COL7A1: variants seen among roughly 807,000 people sequenced by gnomAD.
The protein encoded by COL7A1 is collagen alpha-1(VII) chain.
A neutral mutation model predicts 456.2 loss-of-function variants in COL7A1; 296 were observed. That is an observed-to-expected ratio of 0.65 (90% CI 0.59 to 0.71). The LOEUF is 0.71. Among genes scored for constraint, COL7A1 ranks in the 30% least tolerant of loss-of-function variants. The pLI, the probability that COL7A1 is intolerant of heterozygous loss-of-function variation, is 0.00. For missense variants in COL7A1, 3,441 were observed against 4,017.2 expected (o/e 0.86, Z 3.88); for synonymous variants, 1,464 against 1,525.9 (o/e 0.96, Z 0.95).
At position 48,592,851 on chromosome 3, in the gene COL7A1, C is replaced by A. The variant is rs1208449490; in HGVS notation, c.770G>T (p.Gly257Val). Residue 257 changes from glycine (G) to valine (V), a missense_variant, in exon 7 of 119, where the codon GGC becomes GTC. By Grantham distance (109) the Gly-to-Val change is moderately radical. Coordinates refer to ENST00000681320, the MANE Select transcript of COL7A1 (RefSeq NM_000094.4). This position sits in a 1 kb window ranked among gnomAD's most constrained non-coding sequence, Gnocchi z 7.6. ...SLRVQWTAAS[G>V]PVTGYKVQYT... ...CTGGACCTTGTAGCCAGTCACAGGG[C>A]CACTGGCCGCTGTCCACTGTACTCT... 6.2e-7 allele frequency: 1 copy of A among 1,613,836 alleles called. No individual in the cohort carries two copies. Among genetic ancestry groups the A allele is most frequent in the Non-Finnish European group, 8.5e-7 (1 of 1,180,040 alleles).
Position 48,570,268 on chromosome 3 carries a change from T to TA in COL7A1, c.7440+6dup. 6.2e-7 allele frequency: 1 copy of TA among 1,613,988 alleles called. No homozygotes were observed. ...GGGAGTTCGGCTGTGGAGTAAGACA[T>TA]ACGTACCCGGATGCCTGGCTCCCCA... On this transcript the variant is annotated splice_region_variant and intron_variant, in intron 98 of 118. Coordinates refer to ENST00000681320, the MANE Select transcript of COL7A1 (RefSeq NM_000094.4). This position sits in a 1 kb window ranked among gnomAD's most constrained non-coding sequence, Gnocchi z 5.5.
Position 48,571,590 on chromosome 3 carries a change from G to A in COL7A1, c.7069-312C>T. 1.5e-6 allele frequency: 1 copy of A among 668,096 alleles called. No individual in the cohort carries two copies. Among genetic ancestry groups the A allele is most frequent in the Non-Finnish European group, 2.8e-6 (1 of 353,554 alleles). The allele number at this position is 668,096 out of a possible 1,614,324, so 41.4% of individuals were successfully genotyped here. On this transcript the variant is annotated intron_variant, in intron 92 of 118. Transcript: ENST00000681320. The surrounding 1 kb of genome is among the most constrained non-coding windows in gnomAD (Gnocchi z 4.6). ...GAGTGCGGACACACGGGCGCTCAGA[G>A]GGGAACCCCAACACGTCCACTCCCG...
Position 48,586,114 on chromosome 3 carries a change from C to T in COL7A1, c.3683G>A (p.Gly1228Asp), listed in dbSNP as rs754496023. The T allele has an allele frequency of 5.0e-6, 8 of 1,613,444 alleles. No individual in the cohort carries two copies. The South Asian group carries it at 5.5e-5, about 11-fold the overall frequency. Reference sequence around the variant, plus strand: ...TGCCTGACACAGGGCTGTGGCCAGACCACTGACTGCCTGGTCCAGGCTTGG... The same window carrying T: ...TGCCTGACACAGGGCTGTGGCCAGATCACTGACTGCCTGGTCCAGGCTTGG... ...DGPSLDQAVSGLATALCQASF... is the reference protein window; with the variant it reads ...DGPSLDQAVSDLATALCQASF... Residue 1228 changes from glycine (G) to aspartate (D), a missense_variant, in exon 28 of 119, where the codon GGT (glycine) becomes GAT (aspartate). Around this residue, in one of 3 missense-constraint regions of COL7A1, gnomAD observed 2,084 missense variants for 2,501.3 expected, o/e 0.83. Transcript: ENST00000681320. The surrounding 1 kb of genome is among the most constrained non-coding windows in gnomAD (Gnocchi z 5.1).
intron 34 of COL7A1, 51 bp downstream of exon 34, chr3:48,584,859 G>A (rs1259073607): frequency 4.3e-6 from 7 of 1,613,944 alleles, no homozygotes; most frequent in Non-Finnish European, 5.1e-6. Context: ...CCCACCCTGT[G>A]GAAGAACCCT....
Position 48,566,724 on chromosome 3 carries a change from G to T in COL7A1, c.8240C>A (p.Pro2747His). 2 of 1,613,672 alleles carry T rather than the reference G, an allele frequency of 1.2e-6. No homozygotes were observed. Among genetic ancestry groups the T allele is most frequent in the Non-Finnish European group, 8.5e-7 (1 of 1,179,920 alleles). ...AGCCCCCACCACTCTCTCTCCGGGG[G>T]GACCTCGCTCACCCTGTCAGACACA... ...GLQGQKGERG[P>H]PGERVVGAPG... Residue 2747 changes from proline (P) to histidine (H), a missense_variant, in exon 112 of 119, where the codon CCC (proline) becomes CAC (histidine). By Grantham distance (77) the Pro-to-His change is moderately conservative (BLOSUM62 -2). Around this residue, in one of 3 missense-constraint regions of COL7A1, gnomAD observed 2,084 missense variants for 2,501.3 expected, o/e 0.83. Transcript: ENST00000681320. The surrounding 1 kb of genome is among the most constrained non-coding windows in gnomAD (Gnocchi z 5.9).
At chr3:48,584,130 G>A (rs1044500345) in intron 37 of COL7A1, 69 bp from the exon 38 acceptor site, 2 of 1,612,270 alleles carry the variant, frequency 1.2e-6, no homozygotes, top group South Asian at 2.2e-5. Context: ...GGAGTGATGA[G>A]GGTCATGGGG....
At position 48,590,793 on chromosome 3, in the gene COL7A1, G is replaced by A; in HGVS notation, c.1660C>T (p.Pro554Ser). Residue 554 changes from proline to serine, a missense_variant, in exon 14 of 119, where the codon CCT becomes TCT. Physicochemically the swap from Pro to Ser is moderately conservative, Grantham distance 74 (BLOSUM62 -1). Around this residue, in one of 3 missense-constraint regions of COL7A1, gnomAD observed 913 missense variants for 1,088.2 expected, o/e 0.84. Transcript: ENST00000681320. The surrounding 1 kb of genome is among the most constrained non-coding windows in gnomAD (Gnocchi z 4.6). ...AAGTCGAATGCTGTCTGACTCCCAG[G>A]AAGCACCAGGGTCCGCTCAACCCCT... ...TQGVERTLVL[P>S]GSQTAFDLDD... 1 of 1,613,724 alleles carries A rather than the reference G, an allele frequency of 6.2e-7. No homozygotes were observed. The highest frequency in any genetic ancestry group is 8.5e-7 in the Non-Finnish European group (1 of 1,180,020).
rs1342522878 is a variant in COL7A1, at chr3:48,570,899, G to A, written c.7234C>T (p.Arg2412Ter). ...VVGFPGQTGPRGEMGQPGPSG... is the reference protein window; with the variant it reads ...VVGFPGQTGP The stretch of plus-strand genomic sequence containing the variant: ...GGGCCTGGCTGACCCATCTCTCCTC[G>A]AGGGCCTGTCTGACCCGGGAACCCA... The change falls in exon 95 of 119, where the codon CGA (arginine) becomes TGA (stop). Residue 2412 changes from arginine (R) to a stop codon, truncating the protein, a stop_gained. Transcript: ENST00000681320. LOFTEE classifies it high-confidence loss of function. This position sits in a 1 kb window ranked among gnomAD's most constrained non-coding sequence, Gnocchi z 5.5. 4 of 1,613,304 alleles carry A rather than the reference G, an allele frequency of 2.5e-6. No individual in the cohort carries two copies. Among genetic ancestry groups the A allele is most frequent in the South Asian group, 2.2e-5 (2 of 90,908 alleles).
In COL7A1 at chr3:48,578,621, C is replaced by T. The variant is rs1683822312; in HGVS notation, c.5425-106G>A. ...AAAGATCTCCCTCCAGGGTAGAGAC[C>T]CCCAGGACTGAGAGGTCCCATTGAG... is the stretch of plus-strand genomic sequence containing the variant. On this transcript the variant is annotated intron_variant, in intron 63 of 118. Coordinates refer to ENST00000681320, the MANE Select transcript of COL7A1 (RefSeq NM_000094.4). The surrounding 1 kb of genome is among the most constrained non-coding windows in gnomAD (Gnocchi z 4.7). 7.6e-7 allele frequency: 1 copy of T among 1,313,194 alleles called. No individual in the cohort carries two copies. The highest frequency in any genetic ancestry group is 1.1e-6 in the Non-Finnish European group (1 of 926,760). 81.3% of individuals were successfully genotyped at this position (1,313,194 alleles called of 1,614,324 possible).
In COL7A1 at chr3:48,567,989, C is replaced by T. The variant is rs2043683486; in HGVS notation, c.7876-98G>A. ...ACTCTCCAAACAGGCCTCAGCTACT[C>T]CAACCTCTGACCCAGTGCCCTAATA... On this transcript the variant is annotated intron_variant, in intron 106 of 118. Transcript: ENST00000681320. The surrounding 1 kb of genome is among the most constrained non-coding windows in gnomAD (Gnocchi z 4.3). 6.2e-7 allele frequency: 1 copy of T among 1,600,650 alleles called. No individual in the cohort carries two copies. Among genetic ancestry groups the T allele is most frequent in the African/African-American group, 1.3e-5 (1 of 74,662 alleles).
At position 48,593,550 on chromosome 3, in the gene COL7A1, G is replaced by T. The variant is rs1474601722; in HGVS notation, c.413C>A (p.Pro138His). 1.2e-6 allele frequency: 2 copies of T among 1,614,076 alleles called. No individual in the cohort carries two copies. The highest frequency in any genetic ancestry group is 2.7e-5 in the African/African-American group (2 of 74,926). ...GGTAGGGATCACCTTGGGGACACCA[G>T]GTCGGGCCAGCTGGGGCAGGAAGAC... ...DHVFLPQLARPGVPKVCILIT... is the reference protein window; with the variant it reads ...DHVFLPQLARHGVPKVCILIT... The change falls in exon 4 of 119, where the codon CCT becomes CAT. Residue 138 changes from proline to histidine, a missense_variant. Transcript: ENST00000681320. The surrounding 1 kb of genome is among the most constrained non-coding windows in gnomAD (Gnocchi z 4.4).
rs76410546 is a variant in COL7A1 at position 48,591,472 on chromosome 3, C to T, written c.1628G>A (p.Ser543Asn). ...GGCTGCGTCCACCTCACCCTGGGTG[C>T]TGCGCACAATGATGCGGTACTGGGT... ...GATQYRIIVRSTQGVERTLVL... is the reference protein window; with the variant it reads ...GATQYRIIVRNTQGVERTLVL... The change falls in exon 13 of 119, where the codon AGC (serine) becomes AAC (asparagine). Residue 543 changes from serine to asparagine, a missense_variant. By Grantham distance (46) the Ser-to-Asn change is conservative. This residue lies in a region of COL7A1 where 913 missense variants were observed against 1,088.2 expected (regional missense o/e 0.84). Coordinates refer to ENST00000681320, the MANE Select transcript of COL7A1 (RefSeq NM_000094.4). This position sits in a 1 kb window ranked among gnomAD's most constrained non-coding sequence, Gnocchi z 7.0. The T allele has an allele frequency of 7.2e-4, 1,154 of 1,613,706 alleles. 6 individuals are homozygous for T. In the African/African-American group the frequency reaches 0.014, roughly 20 times the overall value.
In COL7A1 at chr3:48,594,437, A is replaced by G; in HGVS notation, c.197T>C (p.Leu66Pro). 6.2e-7 allele frequency: 1 copy of G among 1,612,172 alleles called. No individual in the cohort carries two copies. The highest frequency in any genetic ancestry group is 8.5e-7 in the Non-Finnish European group (1 of 1,180,032). The change falls in exon 3 of 119, where the codon CTG (leucine) becomes CCG (proline). Residue 66 changes from leucine (L) to proline (P), a missense_variant. Around this residue, in one of 3 missense-constraint regions of COL7A1, gnomAD observed 913 missense variants for 1,088.2 expected, o/e 0.84. Transcript: ENST00000681320. The surrounding 1 kb of genome is among the most constrained non-coding windows in gnomAD (Gnocchi z 5.5). ...TGCACTGGCTGCTCCAGAGAAAGGC[A>G]GCACCAGCCCTTCGAGAAAGCTGCG... The part of the protein sequence containing the change: ...EVRSFLEGLV[L>P]PFSGAASAQG...
Position 48,584,781 on chromosome 3 carries a change from A to C in COL7A1, c.4012-12T>G. 1 of 1,613,946 alleles carries C rather than the reference A, an allele frequency of 6.2e-7. No individual in the cohort carries two copies. Among genetic ancestry groups the C allele is most frequent in the Non-Finnish European group, 8.5e-7 (1 of 1,180,002 alleles). Reference sequence around the variant, plus strand: ...GGTCCTCGCTCTCCCTGAGGACGAAACAGAGCAGAGGGTGGTGCTTGGGCT... The same window carrying C: ...GGTCCTCGCTCTCCCTGAGGACGAACCAGAGCAGAGGGTGGTGCTTGGGCT... On this transcript the variant is annotated splice_polypyrimidine_tract_variant and intron_variant, in intron 34 of 118. Coordinates refer to ENST00000681320, the MANE Select transcript of COL7A1 (RefSeq NM_000094.4).
In COL7A1 at chr3:48,566,684, T is replaced by C. The variant is rs374365287; in HGVS notation, c.8280A>G (p.Gly2760=). 5.6e-6 allele frequency: 9 copies of C among 1,612,856 alleles called. No homozygotes were observed. Among genetic ancestry groups the C allele is most frequent in the Non-Finnish European group, 7.6e-6 (9 of 1,179,694 alleles). Residue 2760 remains glycine, a synonymous_variant, in exon 112 of 119, where the codon GGA becomes GGG. Transcript: ENST00000681320. The surrounding 1 kb of genome is among the most constrained non-coding windows in gnomAD (Gnocchi z 5.9). Reference sequence around the variant, plus strand: ...CCTGCTCCCCTCTCTCGCCAGGAGCTCCAGGGACCCCAGGAGCCCCCACCA... The same window carrying C: ...CCTGCTCCCCTCTCTCGCCAGGAGCCCCAGGGACCCCAGGAGCCCCCACCA... The part of the protein sequence containing the change: ...ERVVGAPGVP[G]APGERGEQGR...
rs1272923080 is a variant in COL7A1, at chr3:48,573,498, C to T, written c.6618+15G>A. 3 of 1,614,136 alleles carry T rather than the reference C, an allele frequency of 1.9e-6. No individual in the cohort carries two copies. The highest frequency in any genetic ancestry group is 2.5e-6 in the Non-Finnish European group (3 of 1,180,026). ...TGAAGGAGCCTCCTCCTCCTATCCA[C>T]ACACCTAGACTCACCTTCAGGCCAG... is the stretch of plus-strand genomic sequence containing the variant. On this transcript the variant is annotated intron_variant, in intron 83 of 118. Coordinates refer to ENST00000681320, the MANE Select transcript of COL7A1 (RefSeq NM_000094.4). The surrounding 1 kb of genome is among the most constrained non-coding windows in gnomAD (Gnocchi z 5.5).
Position 48,581,868 on chromosome 3 carries a change from C to T in COL7A1, c.4668+43G>A, listed in dbSNP as rs1398924834. On this transcript the variant is annotated intron_variant, in intron 48 of 118. Transcript: ENST00000681320. This position sits in a 1 kb window ranked among gnomAD's most constrained non-coding sequence, Gnocchi z 5.8. ...CATAGATAGGCCCTATGACCTAGAC[C>T]TCAACCCTGTAGAAACCTCCCCTTG... is the stretch of plus-strand genomic sequence containing the variant. 2.5e-6 allele frequency: 4 copies of T among 1,614,096 alleles called. No individual in the cohort carries two copies. Among genetic ancestry groups the T allele is most frequent in the Middle Eastern group, 1.6e-4 (1 of 6,062 alleles).
Position 48,566,608 on chromosome 3 carries a change from G to A in COL7A1, c.8305-45C>T, listed in dbSNP as rs2043617638. 2 of 1,614,132 alleles carry A rather than the reference G, an allele frequency of 1.2e-6. No homozygotes were observed. Among genetic ancestry groups the A allele is most frequent in the Non-Finnish European group, 1.7e-6 (2 of 1,180,016 alleles). ...CCAGGCTGTGACCTCTGACCTCAGGGACAACAGAAGTCACCCCGATCTCTG... is the reference window on the plus strand; with the variant it reads ...CCAGGCTGTGACCTCTGACCTCAGGAACAACAGAAGTCACCCCGATCTCTG... On this transcript the variant is annotated intron_variant, in intron 112 of 118. Coordinates refer to ENST00000681320, the MANE Select transcript of COL7A1 (RefSeq NM_000094.4). The surrounding 1 kb of genome is among the most constrained non-coding windows in gnomAD (Gnocchi z 5.9).
rs933969714 is a variant in COL7A1 at position 48,587,955 on chromosome 3, G to A, written c.2711-16C>T. On this transcript the variant is annotated splice_polypyrimidine_tract_variant and intron_variant, in intron 21 of 118. Transcript: ENST00000681320. The surrounding 1 kb of genome is among the most constrained non-coding windows in gnomAD (Gnocchi z 6.1). ...TCCTGGCCACCTGGGGCAGGCGTGA[G>A]GGTGGGGGCCAAGAGCATGTGGGAT... 1.3e-6 allele frequency: 2 copies of A among 1,574,904 alleles called. No individual in the cohort carries two copies. The highest frequency in any genetic ancestry group is 2.7e-5 in the African/African-American group (2 of 73,918).
Sources: gnomAD v4.1 joint callset for allele counts on GRCh38, gnomAD v4.1.1 for gene constraint, gnomAD v4.1.1 regional missense constraint, Gnocchi (gnomAD v3.1) non-coding constraint, MANE v1.5 for transcripts, NCBI Gene and HGNC (gene_info 2026-07-23, HGNC 2026-07-21) for gene names.